The following BRD1 variants were observed in gnomAD, a reference collection of about 807,000 sequenced individuals.
The protein encoded by BRD1 is bromodomain containing 1.
In BRD1, 24 loss-of-function variants were observed where a neutral mutation model predicts 107.7. The observed-to-expected ratio is 0.22, with a 90% confidence interval of 0.16 to 0.31. The LOEUF (loss-of-function observed/expected upper bound fraction) is 0.31. Ranked by LOEUF, BRD1 falls within the 10% of genes least tolerant of loss-of-function variation. The probability of loss-of-function intolerance (pLI) is 1.00; values close to 1 mark genes in which losing one functional copy is unlikely to be tolerated. For synonymous variants in BRD1, 744 were observed against 686.1 expected (o/e 1.08, Z -1.32); for missense variants, 1,279 against 1,638.6 (o/e 0.78, Z 3.79).
chr22:49,778,301 A>C (rs1019584840), intron 8 of BRD1, among the ~76,000 whole-genome samples: 9 of 152,274 alleles, frequency 5.9e-5, no homozygotes, highest in African/African-American at 2.2e-4. Context: ...ATCAGGTTTT[A>C]AAAAGAAAAA....
At chr22:49,807,309 C>T (rs1357160281) in intron 2 of BRD1, 3 of 152,132 alleles carry the variant, frequency 2.0e-5, no homozygotes, top group Non-Finnish European at 2.9e-5. Flanking sequence ...TCAAGGAACA[C>T]CCAACAGCCA....
Position 49,797,922 on chromosome 22 carries a change from C to A in BRD1, c.1981G>T (p.Val661Phe). 1 of 1,614,218 alleles carries A rather than the reference C, an allele frequency of 6.2e-7. No homozygotes were observed. The highest frequency in any genetic ancestry group is 8.5e-7 in the Non-Finnish European group (1 of 1,180,048). ...AAVRLRDQGG[V>F]VLRQARREVD... ...TCGCGCCGGGCCTGCCTCAGAACAA[C>A]ACCTCCCTGATCGCGCAGCCTCACC... The change falls in exon 6 of 13, where the codon GTT becomes TTT. Residue 661 changes from valine to phenylalanine, a missense_variant. Val to Phe is a conservative substitution (Grantham distance 50, BLOSUM62 -1). Coordinates refer to ENST00000404760, the MANE Select transcript of BRD1 (RefSeq NM_001304808.3).
rs1447014148 is a variant in BRD1 at position 49,773,599 on chromosome 22, A to C, written c.*634T>G. ...GTTGAATTTTTATGTGCCTGTATAA[A>C]AATGCATATCAATATACCTTTGCAA... On this transcript the variant is annotated 3_prime_UTR_variant, in exon 13 of 13. Transcript: ENST00000404760. 6.5e-6 allele frequency: 1 copy of C among 152,686 alleles called. No homozygotes were observed. The highest frequency in any genetic ancestry group is 2.4e-5 in the African/African-American group (1 of 41,466). 9.5% of individuals were successfully genotyped at this position (152,686 alleles called of 1,614,324 possible). A position where few individuals can be genotyped will look rare whatever the true frequency, so the allele number is the denominator to read the frequency against.
intron 8 of BRD1, among the ~76,000 whole-genome samples, chr22:49,778,913 G>A (rs1428727700): frequency 2.0e-5 from 3 of 152,038 alleles, no homozygotes; most frequent in African/African-American, 4.8e-5. Context: ...CGCCTGCCTC[G>A]GCCTCCCAAA....
chr22:49,788,236 A>T (rs367993232), intron 7 of BRD1, among the ~76,000 whole-genome samples: 12 of 152,354 alleles, frequency 7.9e-5, no homozygotes, highest in Middle Eastern at 3.4e-3. Flanking sequence ...AAGGTATCTC[A>T]CATAACTAAA....
At position 49,824,147 on chromosome 22, in the gene BRD1, C is replaced by T; in HGVS notation, c.171G>A (p.Leu57=). The T allele has an allele frequency of 6.2e-7, 1 of 1,613,994 alleles. No individual in the cohort carries two copies. The highest frequency in any genetic ancestry group is 8.5e-7 in the Non-Finnish European group (1 of 1,180,036). Reference sequence around the variant, plus strand: ...TGAGGTCATCTTCCAATATGATCTCCAGGGGATCAAAAATACTGATCCTGT... The same window carrying T: ...TGAGGTCATCTTCCAATATGATCTCTAGGGGATCAAAAATACTGATCCTGT... The part of the protein sequence containing the change: ...RLHRISIFDP[L]EIILEDDLTA... Residue 57 remains leucine, a synonymous_variant, in exon 2 of 13, where the codon CTG becomes CTA. Transcript: ENST00000404760. The surrounding 1 kb of genome is among the most constrained non-coding windows in gnomAD (Gnocchi z 5.9).
chr22:49,776,181 G>T, intron 10 of BRD1, 22 bp from the exon 11 acceptor site: 1 of 1,592,978 alleles, frequency 6.3e-7, no homozygotes, highest in Non-Finnish European at 8.5e-7. Flanking sequence ...GGCGTCAGCA[G>T]GACACAGGCG....
At chr22:49,822,582 C>T (rs768445306) in intron 2 of BRD1, among the ~76,000 whole-genome samples, 3 of 151,972 alleles carry the variant, frequency 2.0e-5, no homozygotes, top group Non-Finnish European at 4.4e-5. Flanking sequence ...TGGTGGCGCA[C>T]GCCTGCAGTC....
chr22:49,788,030 TGGGC>T, intron 7 of BRD1, 143 bp from the exon 8 acceptor site: 1 of 819,014 alleles, frequency 1.2e-6, no homozygotes, highest in Non-Finnish European at 1.8e-6. Flanking sequence ...CTCGGCAGTG[TGGGC>T]CCCGTGGGCT....
intron 1 of BRD1, chr22:49,826,108 C>T (rs1218025442): frequency 2.1e-6 from 2 of 939,686 alleles, no homozygotes; most frequent in South Asian, 4.9e-5. Context: ...CGCCGACACG[C>T]GTCATTACTG....
chr22:49,794,210 G>A lies in BRD1; in HGVS notation c.2183C>T (p.Thr728Ile). ...GGAGCCGCTGGACTTCATAGCGCAGGTGAGGTCGAGCATGTCCAGCAGCTC... is the reference window on the plus strand; with the variant it reads ...GGAGCCGCTGGACTTCATAGCGCAGATGAGGTCGAGCATGTCCAGCAGCTC... ...LRELLDMLDL[T>I]CAMKSSGSRS... Residue 728 changes from threonine (T) to isoleucine (I), a missense_variant, in exon 7 of 13, where the codon ACC (threonine) becomes ATC (isoleucine). Physicochemically the swap from Thr to Ile is moderately conservative, Grantham distance 89 (BLOSUM62 -1). Around this residue, in one of 7 missense-constraint regions of BRD1, gnomAD observed 406 missense variants for 519.4 expected, o/e 0.78. Coordinates refer to ENST00000404760, the MANE Select transcript of BRD1 (RefSeq NM_001304808.3). 1 of 1,614,200 alleles carries A rather than the reference G, an allele frequency of 6.2e-7. No homozygotes were observed.
Position 49,777,025 on chromosome 22 carries a change from G to C in BRD1, c.3121+9C>G. On this transcript the variant is annotated intron_variant, in intron 10 of 12. Coordinates refer to ENST00000404760, the MANE Select transcript of BRD1 (RefSeq NM_001304808.3). ...TGGAGAGCCATGGAGGCAGGTCCGGGCGACTCACCGGCTGCGATCCTGGCC... is the reference window on the plus strand; with the variant it reads ...TGGAGAGCCATGGAGGCAGGTCCGGCCGACTCACCGGCTGCGATCCTGGCC... 1 of 1,613,020 alleles carries C rather than the reference G, an allele frequency of 6.2e-7. No homozygotes were observed. The highest frequency in any genetic ancestry group is 8.5e-7 in the Non-Finnish European group (1 of 1,179,978).
chr22:49,774,901 C>T (rs2059051329), intron 12 of BRD1, among the ~76,000 whole-genome samples: 1 of 152,248 alleles, frequency 6.6e-6, no homozygotes, highest in South Asian at 2.1e-4. Context: ...CAGTCCTGCT[C>T]CAGGCACACC....
At position 49,794,117 on chromosome 22, in the gene BRD1, T is replaced by G. The variant is rs748114916; in HGVS notation, c.2276A>C (p.His759Pro). 1 of 1,614,134 alleles carries G rather than the reference T, an allele frequency of 6.2e-7. No homozygotes were observed. The highest frequency in any genetic ancestry group is 2.2e-5 in the East Asian group (1 of 44,904). The change falls in exon 7 of 13, where the codon CAC becomes CCC. Residue 759 changes from histidine (H) to proline (P), a missense_variant. His to Pro is a moderately conservative substitution (Grantham distance 77, BLOSUM62 -2). Around this residue, in one of 7 missense-constraint regions of BRD1, gnomAD observed 406 missense variants for 519.4 expected, o/e 0.78. Transcript: ENST00000404760. The part of the protein sequence containing the change: ...ALLRNKLSQQ[H>P]SQPLPTGPGL... ...TGGCCCCGTGGGCAGGGGCTGGCTG[T>G]GCTGCTGGCTCAGCTTGTTTCGGAG... is the stretch of plus-strand genomic sequence containing the variant.
chr22:49,827,345 C>T (rs1292967524), intron 1 of BRD1, among the ~76,000 whole-genome samples, 152 bp downstream of exon 1: 2 of 149,312 alleles, frequency 1.3e-5, no homozygotes, highest in Non-Finnish European at 3.0e-5. Context: ...GGCTCCCGGC[C>T]CGCAGACAAT....
Position 49,823,541 on chromosome 22 carries a change from G to A in BRD1, c.777C>T (p.Arg259=). The part of the protein sequence containing the change: ...PYIPEGQWLC[R]HCLQSRARPA... ...GCCGGGCCCGCGACTGCAGGCAGTG[G>A]CGGCAGAGCCACTGGCCCTCGGGGA... The change falls in exon 2 of 13, where the codon CGC becomes CGT. Residue 259 remains arginine, a synonymous_variant. Transcript: ENST00000404760. 3 of 1,601,202 alleles carry A rather than the reference G, an allele frequency of 1.9e-6. No homozygotes were observed. The highest frequency in any genetic ancestry group is 2.6e-6 in the Non-Finnish European group (3 of 1,172,916).
In BRD1 at chr22:49,773,984, G is replaced by C. The variant is rs750054067; in HGVS notation, c.*249C>G. On this transcript the variant is annotated 3_prime_UTR_variant, in exon 13 of 13. Transcript: ENST00000404760. The stretch of plus-strand genomic sequence containing the variant: ...AAGAAAAAGCTACATATCAAAGAAA[G>C]TGACGCCAGCAGCACGGCCTGGGGA... 60 of 379,304 alleles carry C rather than the reference G, an allele frequency of 1.6e-4. No homozygotes were observed. Among genetic ancestry groups the C allele is most frequent in the Non-Finnish European group, 2.6e-4 (55 of 213,128 alleles). 23.5% of individuals were successfully genotyped at this position (379,304 alleles called of 1,614,324 possible).
chr22:49,819,652 T>C (rs974080833), intron 2 of BRD1, among the ~76,000 whole-genome samples: 7 of 151,788 alleles, frequency 4.6e-5, no homozygotes, highest in African/African-American at 1.7e-4. Context: ...GTTTTCACCA[T>C]GTTAGCCAGG....
chr22:49,774,771 G>A (rs536715246), intron 12 of BRD1, among the ~76,000 whole-genome samples: 7 of 152,268 alleles, frequency 4.6e-5, no homozygotes, highest in Non-Finnish European at 1.0e-4. Context: ...CCATCAAAGG[G>A]GCCCTCGGAT....
Sources: gnomAD v4.1 joint callset for allele counts (sites outside exome capture counted in the v4.1 genomes callset) on GRCh38, gnomAD v4.1.1 for gene constraint, gnomAD v4.1.1 regional missense constraint, Gnocchi (gnomAD v3.1) non-coding constraint, MANE v1.5 for transcripts, NCBI Gene and HGNC (gene_info 2026-07-23, HGNC 2026-07-21) for gene names.